Variants in KIF13B observed in about 807,000 individuals in gnomAD.
KIF13B encodes the protein kinesin family member 13B.
A neutral mutation model predicts 222.0 loss-of-function variants in KIF13B; 127 were observed. The ratio of observed to expected loss-of-function variants is 0.57; its 90% CI spans 0.50 to 0.66. The LOEUF (loss-of-function observed/expected upper bound fraction) is 0.66, where lower values mean the gene tolerates loss of function less well. Ranked by LOEUF, KIF13B falls within the 30% of genes least tolerant of loss-of-function variation. The probability of loss-of-function intolerance (pLI) is 0.00; values close to 1 mark genes in which losing one functional copy is unlikely to be tolerated. For missense variants in KIF13B, 2,173 were observed against 2,379.0 expected (o/e 0.91, Z 1.80); for synonymous variants, 976 against 919.0 (o/e 1.06, Z -1.12).
Position 29,127,137 on chromosome 8 carries a change from T to C in KIF13B, c.3207A>G (p.Thr1069=), listed in dbSNP as rs536929811. ...AGAAACTTACATGGAAGGTCTCATG[T>C]GTTCTGGGGGCTCTGAGCGGTCTAA... The part of the protein sequence containing the change: ...VKVRPLRAPR[T]HETFHEEEED... Residue 1069 remains threonine (T), a synonymous_variant, in exon 25 of 40, where the codon ACA becomes ACG. Coordinates refer to ENST00000524189, the MANE Select transcript of KIF13B (RefSeq NM_015254.4). 3.7e-6 allele frequency: 6 copies of C among 1,613,850 alleles called. No individual in the cohort carries two copies. In the African/African-American group the frequency reaches 8.0e-5, roughly 22 times the overall value.
intron 1 of KIF13B, chr8:29,249,966 T>C (rs1421532581): frequency 1.7e-6 from 2 of 1,201,024 alleles, no homozygotes; most frequent in Non-Finnish European, 2.2e-6. Flanking sequence ...GCAACAAGTT[T>C]TCAAACATGC....
intron 2 of KIF13B, among the ~76,000 whole-genome samples, chr8:29,222,515 CT>C (rs58488862): frequency 1.7e-5 from 1 of 60,594 alleles, no homozygotes; most frequent in Non-Finnish European, 2.8e-5. Context: ...CCACACCTGA[CT>C]TTTTTTTTTT....
intron 2 of KIF13B, among the ~76,000 whole-genome samples, chr8:29,231,730 AAC>A (rs1402410270): frequency 2.0e-5 from 3 of 152,240 alleles, no homozygotes; most frequent in African/African-American, 2.4e-5. Context: ...TATTTTTTAA[AAC>A]ACAGTAATTT....
At chr8:29,144,316 A>G (rs909088806) in intron 18 of KIF13B, among the ~76,000 whole-genome samples, 6 of 152,022 alleles carry the variant, frequency 3.9e-5, no homozygotes, top group Admixed American at 1.3e-4. Flanking sequence ...GCTGGGGTGC[A>G]GTGGCCCAAT....
chr8:29,124,271 C>A, intron 26 of KIF13B, 148 bp from the exon 27 acceptor site: 1 of 558,596 alleles, frequency 1.8e-6, no homozygotes, highest in East Asian at 3.0e-5. Flanking sequence ...GTTGACTGCG[C>A]CCATCTTTCA....
chr8:29,104,358 T>C (rs1403247190), intron 35 of KIF13B, among the ~76,000 whole-genome samples: 1 of 152,150 alleles, frequency 6.6e-6, no homozygotes, highest in African/African-American at 2.4e-5. Flanking sequence ...GCCCGTCACA[T>C]ACTTGGCCTC....
At chr8:29,196,109 G>T in intron 3 of KIF13B, 78 bp downstream of exon 3, 1 of 1,198,080 alleles carries the variant, frequency 8.3e-7, no homozygotes, top group South Asian at 1.4e-5. Flanking sequence ...TTTCCTTTTT[G>T]AGAAGAAAAC....
chr8:29,188,003 G>A (rs1394693833), intron 5 of KIF13B, among the ~76,000 whole-genome samples: 1 of 152,088 alleles, frequency 6.6e-6, no homozygotes, highest in Non-Finnish European at 1.5e-5. Flanking sequence ...GACACATGAG[G>A]CTTCTTGAAA....
intron 38 of KIF13B, 81 bp from the exon 39 acceptor site, chr8:29,072,397 G>A: frequency 1.0e-6 from 1 of 977,360 alleles, no homozygotes; most frequent in Non-Finnish European, 1.4e-6. Context: ...ACTTGGAAAA[G>A]AGCATGAGGC....
In KIF13B at chr8:29,122,792, G is replaced by A. The variant is rs926678127; in HGVS notation, c.3480-146C>T. 3 of 662,522 alleles carry A rather than the reference G, an allele frequency of 4.5e-6. No individual in the cohort carries two copies. The Admixed American group carries it at 7.8e-5, about 17-fold the overall frequency. 41.0% of individuals were successfully genotyped at this position (662,522 alleles called of 1,614,324 possible). The stretch of plus-strand genomic sequence containing the variant: ...CTGATTTTACTCTAATCCAGAATCA[G>A]AGAGGCCACAAAGCCTCCACTGTAG... On this transcript the variant is annotated intron_variant, in intron 28 of 39. Transcript: ENST00000524189.
chr8:29,216,888 T>G (rs993424040), intron 2 of KIF13B, among the ~76,000 whole-genome samples: 3 of 151,794 alleles, frequency 2.0e-5, no homozygotes, highest in East Asian at 3.9e-4. Context: ...AGGTTCCCCG[T>G]GCAAATCTTG....
chr8:29,249,874 A>G (rs1007425761), intron 1 of KIF13B: 2 of 435,046 alleles, frequency 4.6e-6, no homozygotes, highest in African/African-American at 4.1e-5. Context: ...GTCAACTGGC[A>G]TTAAAGTCTA....
At chr8:29,100,606 G>T (rs1026561298) in intron 35 of KIF13B, among the ~76,000 whole-genome samples, 2 of 152,118 alleles carry the variant, frequency 1.3e-5, no homozygotes, top group Non-Finnish European at 2.9e-5. Context: ...ACCATGCCCG[G>T]CTAATTTTGT....
chr8:29,222,449 A>G (rs895371021), intron 2 of KIF13B, among the ~76,000 whole-genome samples: 6 of 149,614 alleles, frequency 4.0e-5, no homozygotes, highest in African/African-American at 1.5e-4. Context: ...CGCCCAGGCT[A>G]AAGTGTAGTA....
At position 29,122,743 on chromosome 8, in the gene KIF13B, G is replaced by T. The variant is rs1203448335; in HGVS notation, c.3480-97C>A. ...TTAATGGCATTCAGGGCTGTTACAGGGCAAAGCAGTAATAACCCTGGCCCT... is the reference window on the plus strand; with the variant it reads ...TTAATGGCATTCAGGGCTGTTACAGTGCAAAGCAGTAATAACCCTGGCCCT... On this transcript the variant is annotated intron_variant, in intron 28 of 39. Coordinates refer to ENST00000524189, the MANE Select transcript of KIF13B (RefSeq NM_015254.4). 5 of 947,614 alleles carry T rather than the reference G, an allele frequency of 5.3e-6. No individual in the cohort carries two copies. In the East Asian group the frequency reaches 7.9e-5, roughly 15 times the overall value. The allele number at this position is 947,614 out of a possible 1,614,324, so 58.7% of individuals were successfully genotyped here.
At chr8:29,259,187 T>C (rs974038917) in intron 1 of KIF13B, among the ~76,000 whole-genome samples, 2 of 152,126 alleles carry the variant, frequency 1.3e-5, no homozygotes, top group Non-Finnish European at 1.5e-5. Flanking sequence ...AGTCCCTCCA[T>C]TGAGATACTA....
intron 2 of KIF13B, among the ~76,000 whole-genome samples, chr8:29,224,489 T>G (rs1212553736): frequency 6.6e-6 from 1 of 152,238 alleles, no homozygotes; most frequent in Non-Finnish European, 1.5e-5. Flanking sequence ...AAGATATTTG[T>G]AACAATGAGA....
chr8:29,075,163 T>C (rs958822414), intron 38 of KIF13B, 118 bp downstream of exon 38: 3 of 786,186 alleles, frequency 3.8e-6, no homozygotes, highest in Non-Finnish European at 6.5e-6. Flanking sequence ...ATATTATAAC[T>C]AATTACCAAA....
At chr8:29,176,817 C>T (rs981005639) in intron 9 of KIF13B, among the ~76,000 whole-genome samples, 1 of 151,626 alleles carries the variant, frequency 6.6e-6, no homozygotes, top group Non-Finnish European at 1.5e-5. Context: ...TGCTCTTCAG[C>T]CCCATCAAGC....
Sources: gnomAD v4.1 joint callset for allele counts (sites outside exome capture counted in the v4.1 genomes callset) on GRCh38, gnomAD v4.1.1 for gene constraint, MANE v1.5 for transcripts, NCBI Gene and HGNC (gene_info 2026-07-23, HGNC 2026-07-21) for gene names.